Variants in CRMP1 observed in about 807,000 individuals in gnomAD.
CRMP1 encodes the protein dihydropyrimidinase-related protein 1.
In CRMP1, 19 loss-of-function variants were observed where a neutral mutation model predicts 68.3. The observed-to-expected ratio is 0.28, with a 90% CI of 0.19 to 0.41. The LOEUF (loss-of-function observed/expected upper bound fraction) is 0.41, where lower values mean the gene tolerates loss of function less well. Among genes scored for constraint, CRMP1 ranks in the 10% least tolerant of loss-of-function variants. CRMP1 has a pLI of 1.00. For synonymous variants in CRMP1, 439 were observed against 399.6 expected (o/e 1.10, Z -1.18); for missense variants, 791 against 967.4 (o/e 0.82, Z 2.42).
chr4:5,845,734 A>G (rs1202484512), intron 6 of CRMP1, among the ~76,000 whole-genome samples: 1 of 152,244 alleles, frequency 6.6e-6, no homozygotes, highest in African/African-American at 2.4e-5. Flanking sequence ...GTAGGGTGTT[A>G]CCATAAAAGA....
intron 1 of CRMP1, among the ~76,000 whole-genome samples, chr4:5,874,288 G>A (rs1340814621): frequency 2.0e-5 from 3 of 152,132 alleles, no homozygotes; most frequent in African/African-American, 4.8e-5. Flanking sequence ...TTTTAAGCAC[G>A]AACAAAAGTG....
chr4:5,835,793 G>A (rs746917082), intron 11 of CRMP1, 122 bp downstream of exon 11: 1 of 1,165,078 alleles, frequency 8.6e-7, no homozygotes. Flanking sequence ...GAATGACTGA[G>A]TCAGGCTAGA....
At position 5,850,275 on chromosome 4, in the gene CRMP1, C is replaced by G. The variant is rs542116208; in HGVS notation, c.883-803G>C. ...GGAGGCATGAAGCACTTTTGAGAAC[C>G]TGCACGCAGAGGCTGCTCGATTCCA... On this transcript the variant is annotated intron_variant, in intron 5 of 13. Coordinates refer to ENST00000324989, the MANE Select transcript of CRMP1 (RefSeq NM_001014809.3). This position sits in a 1 kb window ranked among gnomAD's most constrained non-coding sequence, Gnocchi z 4.4. Among the ~76,000 whole-genome samples, 22 of 152,324 alleles carry G rather than the reference C, an allele frequency of 1.4e-4. No individual in the cohort carries two copies. Among genetic ancestry groups the G allele is most frequent in the Admixed American group, 1.4e-3 (22 of 15,302 alleles).
chr4:5,878,237 G>A (rs1714979796), intron 1 of CRMP1, among the ~76,000 whole-genome samples: 1 of 151,942 alleles, frequency 6.6e-6, no homozygotes, highest in Admixed American at 6.6e-5. Flanking sequence ...CCACCCCACT[G>A]CCTCTCGGTG....
chr4:5,882,464 T>A (rs932204590), intron 1 of CRMP1, among the ~76,000 whole-genome samples: 5 of 152,182 alleles, frequency 3.3e-5, no homozygotes, highest in Non-Finnish European at 7.4e-5. Context: ...TAATACACCA[T>A]CCCACGGTAA....
intron 13 of CRMP1, among the ~76,000 whole-genome samples, chr4:5,822,222 G>C (rs1718726625): frequency 6.6e-6 from 1 of 152,164 alleles, no homozygotes; most frequent in Non-Finnish European, 1.5e-5. Context: ...ACTATGAAGG[G>C]GGTGTTTGTA....
In CRMP1 at chr4:5,865,955, C is replaced by T. The variant is rs1000404858; in HGVS notation, c.470+713G>A. 6.6e-6 allele frequency among the ~76,000 whole-genome samples: 1 copy of T among 152,144 alleles called. No individual in the cohort carries two copies. The highest frequency in any genetic ancestry group is 1.5e-5 in the Non-Finnish European group (1 of 68,022). On this transcript the variant is annotated intron_variant, in intron 2 of 13. Transcript: ENST00000324989. The surrounding 1 kb of genome is among the most constrained non-coding windows in gnomAD (Gnocchi z 4.1). ...CAAGGAAGAACCTCAGGAAGAAGTT[C>T]AGGAAGGCCTCAGGAAGAACCAACC...
At position 5,856,282 on chromosome 4, in the gene CRMP1, C is replaced by A. The variant is rs1304504403; in HGVS notation, c.681G>T (p.Gly227=). 1 of 1,613,778 alleles carries A rather than the reference C, an allele frequency of 6.2e-7. No individual in the cohort carries two copies. The highest frequency in any genetic ancestry group is 1.3e-5 in the African/African-American group (1 of 74,978). The change falls in exon 4 of 14, where the codon GGG becomes GGT. Residue 227 remains glycine (G), a synonymous_variant. Transcript: ENST00000324989. ...TCTCGAAAGAGGTCAGTAGGCTGGA[C>A]CCAGGTTCAGGAACAACATGGTCAA... is the stretch of plus-strand genomic sequence containing the variant. ...MIIDHVVPEP[G]SSLLTSFEKW...
intron 6 of CRMP1, among the ~76,000 whole-genome samples, chr4:5,844,345 T>G (rs1333433664): frequency 9.6e-6 from 1 of 103,848 alleles, no homozygotes; most frequent in Non-Finnish European, 1.8e-5. Flanking sequence ...AAAGAGGAAG[T>G]AAGGAGGGGG....
chr4:5,892,779 G>T lies in CRMP1; in HGVS notation c.191C>A (p.Pro64Gln). ...CGCGTCGGGCCGGCCAGCGCTGCGC[G>T]GCGTGCGCGCCGAGCCGCGGCGGCC... The part of the protein sequence containing the change: ...SVGRRGSART[P>Q]RSAGRPDAVG... Residue 64 changes from proline (P) to glutamine (Q), a missense_variant, in exon 1 of 14, where the codon CCG becomes CAG. By Grantham distance (76) the Pro-to-Gln change is moderately conservative. Coordinates refer to ENST00000324989, the MANE Select transcript of CRMP1 (RefSeq NM_001014809.3). The surrounding 1 kb of genome is among the most constrained non-coding windows in gnomAD (Gnocchi z 8.6). The T allele has an allele frequency of 7.7e-7, 1 of 1,293,806 alleles. No individual in the cohort carries two copies. The highest frequency in any genetic ancestry group is 9.8e-7 in the Non-Finnish European group (1 of 1,017,644). 80.1% of individuals were successfully genotyped at this position (1,293,806 alleles called of 1,614,324 possible).
At chr4:5,833,884 A>C (rs1165238979) in intron 11 of CRMP1, among the ~76,000 whole-genome samples, 2 of 152,172 alleles carry the variant, frequency 1.3e-5, no homozygotes, top group Non-Finnish European at 2.9e-5. Context: ...TCTACTAAAA[A>C]TACAAAACAA....
chr4:5,884,703 T>C (rs1200660871), intron 1 of CRMP1, among the ~76,000 whole-genome samples: 1 of 152,198 alleles, frequency 6.6e-6, no homozygotes, highest in African/African-American at 2.4e-5. Context: ...ATAATGGCAA[T>C]TGTGCCGAAT....
chr4:5,853,148 C>T lies in CRMP1; in HGVS notation c.821-1679G>A. ...AAAAACACAGGTGGGAGCAGTGGCT[C>T]ACGCCTGTAATCCCAGCAATTTGGG... On this transcript the variant is annotated intron_variant, in intron 4 of 13. Transcript: ENST00000324989. The surrounding 1 kb of genome is among the most constrained non-coding windows in gnomAD (Gnocchi z 4.7). Among the ~76,000 whole-genome samples the T allele has an allele frequency of 6.6e-6, 1 of 152,230 alleles. No homozygotes were observed. The highest frequency in any genetic ancestry group is 1.9e-4 in the East Asian group (1 of 5,194).
At chr4:5,863,757 T>G (rs1196062342) in intron 2 of CRMP1, among the ~76,000 whole-genome samples, 1 of 152,132 alleles carries the variant, frequency 6.6e-6, no homozygotes, top group Non-Finnish European at 1.5e-5. Context: ...TTAAGAAAAC[T>G]TGGCAAATGG....
chr4:5,843,027 G>C lies in CRMP1; in HGVS notation c.1032+66C>G. On this transcript the variant is annotated intron_variant, in intron 7 of 13. Coordinates refer to ENST00000324989, the MANE Select transcript of CRMP1 (RefSeq NM_001014809.3). The surrounding 1 kb of genome is among the most constrained non-coding windows in gnomAD (Gnocchi z 4.1). ...GGTCCTGGCTGGGCTACTCCAGCTG[G>C]AACAGCATCAAGGTGAGTGCTCAGT... The C allele has an allele frequency of 2.0e-6, 3 of 1,500,888 alleles. No individual in the cohort carries two copies. The highest frequency in any genetic ancestry group is 2.8e-6 in the Non-Finnish European group (3 of 1,079,498). The allele number at this position is 1,500,888 out of a possible 1,614,324, so 93.0% of individuals were successfully genotyped here.
rs1043083114 is a variant in CRMP1 at position 5,865,091 on chromosome 4, C to T, written c.470+1577G>A. On this transcript the variant is annotated intron_variant, in intron 2 of 13. Transcript: ENST00000324989. The surrounding 1 kb of genome is among the most constrained non-coding windows in gnomAD (Gnocchi z 4.1). ...CAGCCTCCTCCTCCTCCTCCATCAT[C>T]ATCTCCAAAGCCCACACGGGCCCCA... is the stretch of plus-strand genomic sequence containing the variant. Among the ~76,000 whole-genome samples the T allele has an allele frequency of 6.6e-6, 1 of 152,044 alleles. No individual in the cohort carries two copies. The highest frequency in any genetic ancestry group is 1.5e-5 in the Non-Finnish European group (1 of 68,020).
At position 5,821,674 on chromosome 4, in the gene CRMP1, A is replaced by T; in HGVS notation, c.*86T>A. 7.6e-7 allele frequency: 1 copy of T among 1,317,738 alleles called. No homozygotes were observed. The highest frequency in any genetic ancestry group is 1.1e-6 in the Non-Finnish European group (1 of 948,952). The allele number at this position is 1,317,738 out of a possible 1,614,324, so 81.6% of individuals were successfully genotyped here. ...CCCTCCCTCCATCAGCACCAACTAA[A>T]ACTGTGGGTTTCAAAAACACTGACA... On this transcript the variant is annotated 3_prime_UTR_variant, in exon 14 of 14. Coordinates refer to ENST00000324989, the MANE Select transcript of CRMP1 (RefSeq NM_001014809.3). This position sits in a 1 kb window ranked among gnomAD's most constrained non-coding sequence, Gnocchi z 4.4.
rs1715938291 is a variant in CRMP1, at chr4:5,891,274, G to A, written c.381+1315C>T. 1.8e-5 allele frequency among the ~76,000 whole-genome samples: 2 copies of A among 113,710 alleles called. No individual in the cohort carries two copies. 74.6% of individuals were successfully genotyped at this position (113,710 alleles called of 152,430 possible). A position where few individuals can be genotyped will look rare whatever the true frequency, so the allele number is the denominator to read the frequency against. On this transcript the variant is annotated intron_variant, in intron 1 of 13. Coordinates refer to ENST00000324989, the MANE Select transcript of CRMP1 (RefSeq NM_001014809.3). The surrounding 1 kb of genome is among the most constrained non-coding windows in gnomAD (Gnocchi z 5.2). ...CTTCAGGACCACGGAGAGCTCTGGA[G>A]CAACAGCCCGCCCGCGAAGGGATGG...
chr4:5,871,614 C>G (rs945130313), intron 1 of CRMP1, among the ~76,000 whole-genome samples: 5 of 151,988 alleles, frequency 3.3e-5, no homozygotes, highest in African/African-American at 1.2e-4. Context: ...GAGCCGAGAT[C>G]GCACCACTGC....
Sources: gnomAD v4.1 joint callset for allele counts (sites outside exome capture counted in the v4.1 genomes callset) on GRCh38, gnomAD v4.1.1 for gene constraint, Gnocchi (gnomAD v3.1) non-coding constraint, MANE v1.5 for transcripts, NCBI Gene and HGNC (gene_info 2026-07-23, HGNC 2026-07-21) for gene names.